The following POLA2 variants were observed in gnomAD, a reference collection of about 807,000 sequenced individuals.
POLA2 encodes the protein DNA polymerase alpha 2, accessory subunit.
In POLA2, 47 loss-of-function variants were observed where a neutral mutation model predicts 82.8. The observed-to-expected ratio is 0.57, with a 90% CI of 0.45 to 0.72. POLA2 has a LOEUF of 0.72. POLA2 is among the 30% of genes least tolerant of loss of function. The probability of loss-of-function intolerance (pLI) is 0.00; values close to 1 mark genes in which losing one functional copy is unlikely to be tolerated. For synonymous variants in POLA2, 287 were observed against 286.8 expected, an observed-to-expected ratio of 1.00 and a Z score of -0.01; for missense variants, 634 against 728.1, an observed-to-expected ratio of 0.87 and a Z score of 1.49.
At chr11:65,304,570 A>G (rs1395802211) in intron 8 of POLA2, among the ~76,000 whole-genome samples, 1 of 152,240 alleles carries the variant, frequency 6.6e-6, no homozygotes, top group East Asian at 1.9e-4. Context: ...GGAGAGGTCC[A>G]TGGTCCAGAG....
In POLA2 at chr11:65,282,532, G is replaced by C; in HGVS notation, c.1006+11G>C. 6.2e-7 allele frequency: 1 copy of C among 1,610,612 alleles called. No individual in the cohort carries two copies. The highest frequency in any genetic ancestry group is 1.1e-5 in the South Asian group (1 of 91,006). ...CTGAAGAGGATGCAGGTGAGTTTCG[G>C]TTCAAATATTGTTTTGCCAACAATG... On this transcript the variant is annotated intron_variant, in intron 10 of 17. Transcript: ENST00000265465.
At chr11:65,273,896 T>G (rs1029827898) in intron 4 of POLA2, among the ~76,000 whole-genome samples, 3 of 152,190 alleles carry the variant, frequency 2.0e-5, no homozygotes, top group African/African-American at 7.2e-5. Flanking sequence ...AAAAGCTGTA[T>G]GCATGAAGAT....
At chr11:65,265,017 T>G (rs1949443026) in intron 1 of POLA2, among the ~76,000 whole-genome samples, 1 of 152,096 alleles carries the variant, frequency 6.6e-6, no homozygotes, top group South Asian at 2.1e-4. Context: ...GATCACAAGG[T>G]CAAGAGATGG....
chr11:65,301,873 C>T (rs1949860903), downstream of POLA2, among the ~76,000 whole-genome samples: 1 of 152,220 alleles, frequency 6.6e-6, no homozygotes, highest in East Asian at 1.9e-4. Flanking sequence ...CCCCAAGCGA[C>T]CATGCCTACT....
Position 65,294,464 on chromosome 11 carries a change from C to G in POLA2, c.1354-82C>G, listed in dbSNP as rs1398654597. The G allele has an allele frequency of 5.6e-6, 7 of 1,253,422 alleles. No individual in the cohort carries two copies. The African/African-American group carries it at 1.0e-4, about 18-fold the overall frequency. The allele number at this position is 1,253,422 out of a possible 1,614,324, so 77.6% of individuals were successfully genotyped here. A position where few individuals can be genotyped will look rare whatever the true frequency, so the allele number is the denominator to read the frequency against. On this transcript the variant is annotated intron_variant, in intron 14 of 17. Transcript: ENST00000265465. ...GTCCCCCTTTCCGTGGTCTCCCCAG[C>G]CCTCAGACAACCCCCACTTTCATGG... is the stretch of plus-strand genomic sequence containing the variant.
chr11:65,262,856 G>C (rs753292878), intron 1 of POLA2, among the ~76,000 whole-genome samples: 45 of 152,150 alleles, frequency 3.0e-4, no homozygotes, highest in Non-Finnish European at 5.6e-4. Flanking sequence ...CTTGAGGTAG[G>C]TTCCTAAAAT....
In POLA2 at chr11:65,297,580, C is replaced by A; in HGVS notation, c.*311C>A. The A allele has an allele frequency of 8.3e-6, 2 of 240,186 alleles. No homozygotes were observed. The highest frequency in any genetic ancestry group is 1.6e-5 in the Non-Finnish European group (2 of 125,614). 14.9% of individuals were successfully genotyped at this position (240,186 alleles called of 1,614,324 possible). ...TGTGATTTTCTACATGAATCAAACACAGAAACAACTTTTGGAGAAATTAAA... is the reference window on the plus strand; with the variant it reads ...TGTGATTTTCTACATGAATCAAACAAAGAAACAACTTTTGGAGAAATTAAA... On this transcript the variant is annotated 3_prime_UTR_variant, in exon 18 of 18. Transcript: ENST00000265465.
intron 1 of POLA2, 47 bp downstream of exon 1, chr11:65,262,418 G>T (rs1400198233): frequency 6.6e-7 from 1 of 1,517,238 alleles, no homozygotes; most frequent in Non-Finnish European, 9.0e-7. Context: ...CCACGCTCTC[G>T]CCCGAGTTCC....
chr11:65,297,188 C>G lies in POLA2; in HGVS notation c.1716C>G (p.Ala572=), dbSNP rs760505668. The G allele has an allele frequency of 2.1e-5, 34 of 1,614,002 alleles. No individual in the cohort carries two copies. The Admixed American group carries it at 2.7e-4, about 13-fold the overall frequency. ...AAGGGCAGGTGGGAGGCACCTTCGCCCGACTCTACCTTAGGAGGCCGGCAG... is the reference window on the plus strand; with the variant it reads ...AAGGGCAGGTGGGAGGCACCTTCGCGCGACTCTACCTTAGGAGGCCGGCAG... The part of the protein sequence containing the change: ...LTKGQVGGTF[A]RLYLRRPAAD... The change falls in exon 18 of 18, where the codon GCC becomes GCG. Residue 572 remains alanine (A), a synonymous_variant. Transcript: ENST00000265465.
At chr11:65,282,666 C>G (rs1214929472) in intron 10 of POLA2, 145 bp downstream of exon 10, 2 of 713,912 alleles carry the variant, frequency 2.8e-6, no homozygotes, top group Non-Finnish European at 4.9e-6. Context: ...ATCATGAGTT[C>G]GTAGGTTTTT....
rs147424510 is a variant in POLA2 at position 65,281,064 on chromosome 11, G to T, written c.817G>T (p.Glu273Ter). The T allele has an allele frequency of 6.2e-7, 1 of 1,614,016 alleles. No individual in the cohort carries two copies. Among genetic ancestry groups the T allele is most frequent in the South Asian group, 1.1e-5 (1 of 91,082 alleles). Residue 273 changes from glutamate (E) to a stop codon, truncating the protein, a stop_gained, in exon 8 of 18, where the codon GAG becomes TAG. Transcript: ENST00000265465. LOFTEE classifies it high-confidence loss of function. ...GCTGAACAACAAGTCAGTGATTCTC[G>T]AGGGAGACCGGGAACATTCCTCGGG... The part of the protein sequence containing the change: ...GKLNNKSVIL[E>*]GDREHSSGAQ...
chr11:65,280,983 CT>C lies in POLA2; in HGVS notation c.745-6del, dbSNP rs1280954566. On this transcript the variant is annotated splice_region_variant and splice_polypyrimidine_tract_variant and intron_variant, in intron 7 of 17. Transcript: ENST00000265465. ...CTGTCATTCTTATGCTGTGACCTTC[CT>C]TTGGTAGGAGCCTGTCACTCTGCTG... is the stretch of plus-strand genomic sequence containing the variant. 1 of 1,613,048 alleles carries C rather than the reference CT, an allele frequency of 6.2e-7. No individual in the cohort carries two copies. The highest frequency in any genetic ancestry group is 1.3e-5 in the African/African-American group (1 of 75,000).
At chr11:65,279,831 C>G (rs957308341) in intron 7 of POLA2, 1 of 530,396 alleles carries the variant, frequency 1.9e-6, no homozygotes, top group East Asian at 3.2e-5. Context: ...ATTTTCTTCC[C>G]ACTTGGATTA....
intron 5 of POLA2, 35 bp from the exon 6 acceptor site, chr11:65,278,695 A>G: frequency 6.5e-7 from 1 of 1,544,314 alleles, no homozygotes; most frequent in Non-Finnish European, 8.9e-7. Context: ...TTAGATATGA[A>G]CACAGTAATA....
chr11:65,267,719 C>T, intron 3 of POLA2, 151 bp downstream of exon 3: 1 of 509,890 alleles, frequency 2.0e-6, no homozygotes. Flanking sequence ...CCGAGGCAAG[C>T]AGATCACTTG....
At chr11:65,301,963 G>C (rs1386383579), downstream of POLA2, among the ~76,000 whole-genome samples, 1 of 152,184 alleles carries the variant, frequency 6.6e-6, no homozygotes, top group Non-Finnish European at 1.5e-5. Context: ...GACTGCCGCT[G>C]GCTCTGAATT....
intron 12 of POLA2, among the ~76,000 whole-genome samples, chr11:65,289,468 C>T (rs1039012919): frequency 6.6e-6 from 1 of 152,250 alleles, no homozygotes; most frequent in East Asian, 1.9e-4. Context: ...GCATAAAACA[C>T]GAATGGTCCT....
chr11:65,266,382 C>G, intron 1 of POLA2, 200 bp from the exon 2 acceptor site: 1 of 563,764 alleles, frequency 1.8e-6, no homozygotes, highest in South Asian at 2.1e-5. Context: ...TGATTCTGCC[C>G]TTATCCTCTT....
At chr11:65,299,794 C>T (rs1404615577), downstream of POLA2, among the ~76,000 whole-genome samples, 2 of 151,674 alleles carry the variant, frequency 1.3e-5, no homozygotes, top group South Asian at 2.1e-4. Context: ...CAGGTTCAAG[C>T]GATTCTCCTG....
Sources: gnomAD v4.1 joint callset for allele counts (sites outside exome capture counted in the v4.1 genomes callset) on GRCh38, gnomAD v4.1.1 for gene constraint, MANE v1.5 for transcripts, NCBI Gene and HGNC (gene_info 2026-07-23, HGNC 2026-07-21) for gene names.